Variants in ATOSA observed in about 807,000 individuals in gnomAD.
The protein encoded by ATOSA is atos homolog A.
chr15:52,697,315 CT>C, the ATOSA span, among the ~76,000 whole-genome samples: 1 of 152,198 alleles, frequency 6.6e-6, no homozygotes, highest in Non-Finnish European at 1.5e-5. Context: ...AAATGAGTTT[CT>C]CCCTCATCCT....
chr15:52,627,408 T>C, the ATOSA span, among the ~76,000 whole-genome samples: 1 of 152,214 alleles, frequency 6.6e-6, no homozygotes, highest in Non-Finnish European at 1.5e-5. Context: ...CAGGTCTAAA[T>C]ATTCATCATT....
chr15:52,650,146 G>T, the ATOSA span, among the ~76,000 whole-genome samples: 2 of 152,088 alleles, frequency 1.3e-5, no homozygotes, highest in Non-Finnish European at 2.9e-5. Flanking sequence ...AAAATTGCTA[G>T]ATTGACTTTC....
the ATOSA span, among the ~76,000 whole-genome samples, chr15:52,682,884 T>G: frequency 6.6e-5 from 10 of 152,228 alleles, no homozygotes; most frequent in Non-Finnish European, 1.5e-4. Context: ...GATCATGGAG[T>G]CATTGCTAAG....
the ATOSA span, among the ~76,000 whole-genome samples, chr15:52,608,275 C>A: frequency 6.6e-6 from 1 of 152,102 alleles, no homozygotes; most frequent in Admixed American, 6.5e-5. Flanking sequence ...AATAATAGAC[C>A]TAACATGTCA....
At chr15:52,608,394 G>A in the ATOSA span, among the ~76,000 whole-genome samples, 6 of 152,174 alleles carry the variant, frequency 3.9e-5, no homozygotes, top group East Asian at 9.6e-4. Flanking sequence ...GTTCTTAGGA[G>A]AGTGGGTTAT....
chr15:52,680,194 T>C, the ATOSA span, among the ~76,000 whole-genome samples: 1 of 152,174 alleles, frequency 6.6e-6, no homozygotes, highest in Non-Finnish European at 1.5e-5. Context: ...TGTTGTGATG[T>C]TGTCGTCATT....
At chr15:52,700,166 T>A in the ATOSA span, among the ~76,000 whole-genome samples, 3 of 152,236 alleles carry the variant, frequency 2.0e-5, no homozygotes, top group Admixed American at 1.3e-4. Context: ...AACAACTCTA[T>A]GATCTTCTTG....
At chr15:52,601,194 TA>T in the ATOSA span, 2,826 of 1,279,590 alleles carry the variant, frequency 2.2e-3, 1 homozygote, top group Admixed American at 2.8e-3. Flanking sequence ...TTTGTGATAT[TA>T]AAAAAAAAAC....
chr15:52,705,739 G>GC, the ATOSA span, among the ~76,000 whole-genome samples: 1 of 152,092 alleles, frequency 6.6e-6, no homozygotes, highest in Non-Finnish European at 1.5e-5. Context: ...AATGTCAATA[G>GC]CACCAACACC....
chr15:52,701,204 C>G, the ATOSA span, among the ~76,000 whole-genome samples: 1 of 152,026 alleles, frequency 6.6e-6, no homozygotes, highest in South Asian at 2.1e-4. Context: ...TATGGCCAGG[C>G]CTGGTGGCTC....
chr15:52,622,597 T>A, the ATOSA span, among the ~76,000 whole-genome samples: 1 of 152,074 alleles, frequency 6.6e-6, no homozygotes, highest in Non-Finnish European at 1.5e-5. Flanking sequence ...ATAAAAAGGA[T>A]GATGTGATAT....
the ATOSA span, chr15:52,658,274 T>C: frequency 1.3e-5 from 2 of 152,360 alleles, no homozygotes; most frequent in African/African-American, 4.8e-5. Context: ...AAGACACAGA[T>C]GTTTAGAGAT....
chr15:52,650,001 G>A, the ATOSA span: 10 of 152,016 alleles, frequency 6.6e-5, no homozygotes, highest in African/African-American at 9.7e-5. Flanking sequence ...CCTTTCTCTT[G>A]GAGGCTCTAT....
At chr15:52,633,262 T>C in the ATOSA span, among the ~76,000 whole-genome samples, 5 of 152,242 alleles carry the variant, frequency 3.3e-5, no homozygotes, top group African/African-American at 7.2e-5. Context: ...GGGTGGCTAA[T>C]TGACTTTGAA....
At chr15:52,706,925 G>C in the ATOSA span, among the ~76,000 whole-genome samples, 2 of 152,120 alleles carry the variant, frequency 1.3e-5, no homozygotes, top group African/African-American at 4.8e-5. Context: ...AGCAGGTATG[G>C]GGTTTCTTTC....
the ATOSA span, among the ~76,000 whole-genome samples, chr15:52,659,762 C>T: frequency 6.6e-6 from 1 of 152,122 alleles, no homozygotes; most frequent in Non-Finnish European, 1.5e-5. Flanking sequence ...TCATAAAATT[C>T]ATTGCCCACT....
chr15:52,688,485 C>T, the ATOSA span, among the ~76,000 whole-genome samples: 26 of 151,338 alleles, frequency 1.7e-4, no homozygotes, highest in African/African-American at 6.3e-4. Context: ...CATCCATCCT[C>T]CTCAGAATAG....
chr15:52,638,643 G>T, the ATOSA span, among the ~76,000 whole-genome samples: 68 of 148,084 alleles, frequency 4.6e-4, no homozygotes, highest in Non-Finnish European at 7.8e-4. Context: ...GGAGGTTGCA[G>T]TGAGTTAAGA....
At chr15:52,645,234 T>C in the ATOSA span, among the ~76,000 whole-genome samples, 1 of 152,072 alleles carries the variant, frequency 6.6e-6, no homozygotes, top group East Asian at 1.9e-4. Flanking sequence ...ATGTCAAGAG[T>C]TCGAGGCCAG....
Sources: gnomAD v4.1 joint callset for allele counts (sites outside exome capture counted in the v4.1 genomes callset) on GRCh38, gnomAD v4.1.1 for gene constraint, MANE v1.5 for transcripts, NCBI Gene and HGNC (gene_info 2026-07-23, HGNC 2026-07-21) for gene names.